TENM1: variants seen among roughly 807,000 people sequenced by gnomAD.
TENM1 encodes teneurin transmembrane protein 1.
A neutral mutation model predicts 174.8 loss-of-function variants in TENM1; 35 were observed. That is an observed-to-expected ratio of 0.20 (90% CI 0.15 to 0.27). The LOEUF (loss-of-function observed/expected upper bound fraction) is 0.27. Ranked by LOEUF, TENM1 falls within the 10% of genes least tolerant of loss-of-function variation. TENM1 has a pLI of 1.00. For missense variants in TENM1, 1,633 were observed against 2,130.1 expected, an observed-to-expected ratio of 0.77 and a Z score of 4.59; for synonymous variants, 781 against 798.7, an observed-to-expected ratio of 0.98 and a Z score of 0.37.
At chrX:125,157,731 C>A in the TENM1 span, among the ~76,000 whole-genome samples, 1 of 112,008 alleles carries the variant, frequency 8.9e-6, no homozygotes, top group Non-Finnish European at 1.9e-5. Flanking sequence ...TATAAAAAAG[C>A]ATTCCTATTT....
the TENM1 span, among the ~76,000 whole-genome samples, chrX:125,136,083 C>T: frequency 9.0e-6 from 1 of 111,454 alleles, no homozygotes; most frequent in East Asian, 2.8e-4. Flanking sequence ...AGCAGAATCA[C>T]GTTTTTATTT....
At chrX:125,130,205 T>C in the TENM1 span, among the ~76,000 whole-genome samples, 1 of 111,472 alleles carries the variant, frequency 9.0e-6, no homozygotes, top group African/African-American at 3.3e-5. Context: ...CTCTTTACCA[T>C]GCTACAACCA....
intron 11 of TENM1, among the ~76,000 whole-genome samples, chrX:124,622,279 C>T (rs890909132): frequency 2.7e-5 from 3 of 111,558 alleles, no homozygotes; most frequent in African/African-American, 9.8e-5. Flanking sequence ...ACAGTTCAAT[C>T]TAATATTAGG....
the TENM1 span, among the ~76,000 whole-genome samples, chrX:125,104,107 G>A: frequency 8.9e-6 from 1 of 112,382 alleles, no homozygotes; most frequent in African/African-American, 3.2e-5. Flanking sequence ...CACAAGGGCT[G>A]TAAAGGAAAG....
exon 32 of TENM1, chrX:124,379,793 A>G (rs1194080943): frequency 8.9e-6 from 1 of 111,941 alleles, no homozygotes; most frequent in Admixed American, 9.5e-5. Context: ...AACTTTTAGT[A>G]AAAAATTGAG....
chrX:124,456,685 C>A (rs980718716), intron 22 of TENM1, among the ~76,000 whole-genome samples: 3 of 111,654 alleles, frequency 2.7e-5, no homozygotes, highest in African/African-American at 9.8e-5. Context: ...GTGACACATT[C>A]CCAGTATATA....
At chrX:125,183,344 A>G in the TENM1 span, among the ~76,000 whole-genome samples, 1 of 111,996 alleles carries the variant, frequency 8.9e-6, no homozygotes, top group Non-Finnish European at 1.9e-5. Context: ...TGCCCCTCAG[A>G]TCATTAACTC....
the TENM1 span, among the ~76,000 whole-genome samples, chrX:125,032,823 G>A: frequency 5.4e-5 from 6 of 111,734 alleles, no homozygotes; most frequent in Non-Finnish European, 1.1e-4. Flanking sequence ...GAGCCCTAAT[G>A]TACTAGTATT....
chrX:124,380,641 T>C (rs2060145867), exon 32 of TENM1: 3 of 1,209,956 alleles, frequency 2.5e-6, no homozygotes, highest in Admixed American at 2.2e-5. Context: ...CATCGTAACC[T>C]TGTACCCGCC....
intron 15 of TENM1, among the ~76,000 whole-genome samples, chrX:124,537,592 G>T (rs1296083765): frequency 8.9e-6 from 1 of 111,834 alleles, no homozygotes; most frequent in Non-Finnish European, 1.9e-5. Flanking sequence ...TACAAAGATG[G>T]TGCTATCTAC....
the TENM1 span, among the ~76,000 whole-genome samples, chrX:124,978,004 G>C: frequency 1.1e-5 from 1 of 89,228 alleles, no homozygotes; most frequent in African/African-American, 4.3e-5. Flanking sequence ...GAGAGAGAGA[G>C]AGAGAGAGAG....
At chrX:124,657,837 G>A (rs1402936908) in intron 6 of TENM1, among the ~76,000 whole-genome samples, 1 of 111,943 alleles carries the variant, frequency 8.9e-6, no homozygotes, top group Non-Finnish European at 1.9e-5. Flanking sequence ...GTTTCACAAA[G>A]TATCTAAGCT....
Position 124,688,627 on chromosome X carries a change from C to T in TENM1, c.1015+16386G>A, listed in dbSNP as rs186646977. 185 of 128,156 alleles carry T rather than the reference C, an allele frequency of 1.4e-3. 1 individual carries two copies. Among genetic ancestry groups the T allele is most frequent in the African/African-American group, 5.4e-3 (170 of 31,228 alleles). 10.6% of individuals were successfully genotyped at this position (128,156 alleles called of 1,213,427 possible). A position where few individuals can be genotyped will look rare whatever the true frequency, so the allele number is the denominator to read the frequency against. On this transcript the variant is annotated intron_variant, in intron 5 of 31. Coordinates refer to ENST00000422452, the Ensembl canonical transcript of TENM1. The stretch of plus-strand genomic sequence containing the variant: ...CTACCTTGCTGTGAATGGTACAATT[C>T]GCACAGCAATATAGCTTCACATACA...
At chrX:124,614,413 T>C (rs769049009) in intron 11 of TENM1, among the ~76,000 whole-genome samples, 4 of 112,322 alleles carry the variant, frequency 3.6e-5, no homozygotes, top group South Asian at 3.7e-4. Flanking sequence ...GGAAGCTCCA[T>C]GCTATGCTCA....
chrX:125,056,555 C>T, the TENM1 span, among the ~76,000 whole-genome samples: 22 of 111,216 alleles, frequency 2.0e-4, no homozygotes, highest in African/African-American at 6.5e-4. Flanking sequence ...CATTATACCC[C>T]AGGGCTACTG....
intron 14 of TENM1, among the ~76,000 whole-genome samples, chrX:124,548,328 A>T (rs2048480188): frequency 8.9e-6 from 1 of 111,772 alleles, no homozygotes; most frequent in South Asian, 3.8e-4. Flanking sequence ...ACCACTGAGA[A>T]TCTAACAGGT....
chrX:124,411,474 T>A (rs1045229868), intron 25 of TENM1, among the ~76,000 whole-genome samples: 14 of 111,716 alleles, frequency 1.3e-4, no homozygotes, highest in Non-Finnish European at 1.9e-4. Flanking sequence ...ATTTCCTTTC[T>A]GTGGCCAGAG....
the TENM1 span, among the ~76,000 whole-genome samples, chrX:125,183,148 T>G: frequency 1.8e-5 from 2 of 112,398 alleles, no homozygotes; most frequent in Non-Finnish European, 3.8e-5. Context: ...GCCATGTTAA[T>G]ATAGTACTAG....
chrX:124,622,801 T>C (rs941241282), intron 11 of TENM1, among the ~76,000 whole-genome samples: 35 of 112,014 alleles, frequency 3.1e-4, no homozygotes, highest in Non-Finnish European at 4.5e-4. Context: ...CTAATGATTT[T>C]AAATTACTCT....
Sources: gnomAD v4.1 joint callset for allele counts (sites outside exome capture counted in the v4.1 genomes callset) on GRCh38, gnomAD v4.1.1 for gene constraint, MANE v1.5 for transcripts, NCBI Gene and HGNC (gene_info 2026-07-23, HGNC 2026-07-21) for gene names.